The following ATP8B4 variants were observed in gnomAD, a reference collection of about 807,000 sequenced individuals.
ATP8B4 encodes probable phospholipid-transporting ATPase IM.
A neutral mutation model predicts 145.6 loss-of-function variants in ATP8B4; 133 were observed. That is an observed-to-expected ratio of 0.91 (90% CI 0.79 to 1.05). ATP8B4 has a LOEUF of 1.05. Ranked by LOEUF, ATP8B4 falls within the 50% of genes least tolerant of loss-of-function variation. The pLI is 0.00. For missense variants in ATP8B4, 1,458 were observed against 1,425.2 expected (o/e 1.02, Z -0.37); for synonymous variants, 507 against 492.9 (o/e 1.03, Z -0.38).
chr15:50,018,315 G>A (rs2049259124), intron 6 of ATP8B4, among the ~76,000 whole-genome samples: 1 of 152,034 alleles, frequency 6.6e-6, no homozygotes, highest in Non-Finnish European at 1.5e-5. Context: ...TTCATCACTG[G>A]CATATGCGGT....
At chr15:49,971,977 A>G (rs979734727) in intron 13 of ATP8B4, among the ~76,000 whole-genome samples, 2 of 152,216 alleles carry the variant, frequency 1.3e-5, no homozygotes, top group Non-Finnish European at 2.9e-5. Flanking sequence ...TTGCAGAGAC[A>G]TGGGTGAGGC....
chr15:50,167,711 T>A (rs968139999), intron 1 of ATP8B4, among the ~76,000 whole-genome samples: 3 of 152,206 alleles, frequency 2.0e-5, no homozygotes, highest in African/African-American at 7.2e-5. Context: ...TTATAGTCCT[T>A]GCTTCACAAT....
intron 10 of ATP8B4, among the ~76,000 whole-genome samples, chr15:49,984,748 A>G (rs6493393): frequency 0.68 from 103,463 of 151,870 alleles, 37,556 homozygotes; most frequent in East Asian, 0.99. Flanking sequence ...AACCATACAA[A>G]TAAGCCTCCT....
At chr15:50,024,315 G>A (rs1004829229) in intron 6 of ATP8B4, among the ~76,000 whole-genome samples, 1 of 151,860 alleles carries the variant, frequency 6.6e-6, no homozygotes, top group Non-Finnish European at 1.5e-5. Context: ...CTTCCCTTTT[G>A]GCAGAGCTTT....
intron 6 of ATP8B4, among the ~76,000 whole-genome samples, chr15:50,027,465 C>A (rs1309277773): frequency 6.6e-6 from 1 of 152,030 alleles, no homozygotes; most frequent in Non-Finnish European, 1.5e-5. Flanking sequence ...TCTATCATAT[C>A]CCTGAGGAAG....
intron 1 of ATP8B4, among the ~76,000 whole-genome samples, chr15:50,173,483 C>T (rs138761110): frequency 0.09 from 13,631 of 151,836 alleles, 814 homozygotes; most frequent in African/African-American, 0.16. Flanking sequence ...GTTAAACAGA[C>T]GCTTGAAGGC....
Position 50,069,831 on chromosome 15 carries a change from A to T in ATP8B4, c.87+4296T>A, listed in dbSNP as rs116242365. Among the ~76,000 whole-genome samples the T allele has an allele frequency of 4.7e-3, 710 of 152,256 alleles. 5 individuals are homozygous for T. Among genetic ancestry groups the T allele is most frequent in the African/African-American group, 0.017 (687 of 41,542 alleles). On this transcript the variant is annotated intron_variant, in intron 3 of 27. Coordinates refer to ENST00000284509, the MANE Select transcript of ATP8B4 (RefSeq NM_024837.4). Reference sequence around the variant, plus strand: ...AGCTTTGTTACCTTTTAGTTGCATGACTTAGACAAGTTACTAAATGGAGCC... The same window carrying T: ...AGCTTTGTTACCTTTTAGTTGCATGTCTTAGACAAGTTACTAAATGGAGCC...
At chr15:50,069,680 G>C (rs1368825632) in intron 3 of ATP8B4, among the ~76,000 whole-genome samples, 1 of 152,114 alleles carries the variant, frequency 6.6e-6, no homozygotes, top group African/African-American at 2.4e-5. Context: ...GTTGTTGTTT[G>C]GTTGGTTGAT....
rs1467077082 is a variant in ATP8B4 at position 49,858,290 on chromosome 15, T to TA, written c.*1903dup. ...AAGTTTTCAAATCTTGCAAAAATGT[T>TA]ACAAAAAGTGAGCAAATGTGGTGAA... On this transcript the variant is annotated 3_prime_UTR_variant, in exon 28 of 28. Coordinates refer to ENST00000284509, the MANE Select transcript of ATP8B4 (RefSeq NM_024837.4). The TA allele has an allele frequency of 1.3e-5, 2 of 152,188 alleles. No homozygotes were observed. Among genetic ancestry groups the TA allele is most frequent in the African/African-American group, 4.8e-5 (2 of 41,452 alleles). The allele number at this position is 152,188 out of a possible 1,614,324, so 9.4% of individuals were successfully genotyped here.
chr15:50,173,100 C>T (rs537168447), intron 1 of ATP8B4, among the ~76,000 whole-genome samples: 12,391 of 148,704 alleles, frequency 0.083, 760 homozygotes, highest in African/African-American at 0.15. Flanking sequence ...GCCCAGCCGC[C>T]GCCCCGTCTG....
intron 23 of ATP8B4, among the ~76,000 whole-genome samples, chr15:49,882,519 A>T (rs1217207193): frequency 6.6e-6 from 1 of 152,272 alleles, no homozygotes; most frequent in Non-Finnish European, 1.5e-5. Context: ...AGACATTATC[A>T]TGTATCGATA....
chr15:50,057,892 ATTT>A (rs201425063), intron 3 of ATP8B4, among the ~76,000 whole-genome samples: 1 of 151,688 alleles, frequency 6.6e-6, no homozygotes, highest in Admixed American at 6.6e-5. Flanking sequence ...AATCACACTA[ATTT>A]TTTTTTCTCC....
intron 2 of ATP8B4, among the ~76,000 whole-genome samples, chr15:50,106,304 C>G (rs1372716010): frequency 6.6e-6 from 1 of 152,070 alleles, no homozygotes; most frequent in Non-Finnish European, 1.5e-5. Flanking sequence ...CACTGACTAA[C>G]TAGAGACAAA....
chr15:49,881,001 A>T (rs2035307529), intron 23 of ATP8B4, among the ~76,000 whole-genome samples: 1 of 152,006 alleles, frequency 6.6e-6, no homozygotes, highest in South Asian at 2.1e-4. Context: ...AGTCCCAGCT[A>T]CTCGGGAGGC....
chr15:49,988,197 C>A (rs1213624268), intron 9 of ATP8B4, among the ~76,000 whole-genome samples: 1 of 152,166 alleles, frequency 6.6e-6, no homozygotes, highest in Non-Finnish European at 1.5e-5. Flanking sequence ...TTTCTAGTTT[C>A]TTTAATTCCA....
chr15:49,896,256 C>T (rs185804267), intron 23 of ATP8B4: 38 of 152,206 alleles, frequency 2.5e-4, no homozygotes, highest in Admixed American at 2.1e-3. Flanking sequence ...GGCATGTTAT[C>T]CTAAAAAGAG....
At chr15:50,009,062 T>C (rs1455878358) in intron 7 of ATP8B4, among the ~76,000 whole-genome samples, 2 of 152,212 alleles carry the variant, frequency 1.3e-5, no homozygotes, top group Admixed American at 1.3e-4. Flanking sequence ...GTCCCTTTTT[T>C]ATAAGTTAAG....
intron 14 of ATP8B4, among the ~76,000 whole-genome samples, chr15:49,953,045 C>A (rs1193476628): frequency 6.6e-6 from 1 of 152,086 alleles, no homozygotes; most frequent in Admixed American, 6.6e-5. Flanking sequence ...GGAGATGTCA[C>A]TCAAGGAGGC....
chr15:50,122,012 T>C (rs1240674350), upstream of ATP8B4, among the ~76,000 whole-genome samples: 1 of 152,174 alleles, frequency 6.6e-6, no homozygotes. Flanking sequence ...AACGAAGAGA[T>C]GGAAATTTTT....
Sources: gnomAD v4.1 joint callset for allele counts (sites outside exome capture counted in the v4.1 genomes callset) on GRCh38, gnomAD v4.1.1 for gene constraint, MANE v1.5 for transcripts, NCBI Gene and HGNC (gene_info 2026-07-23, HGNC 2026-07-21) for gene names.